Variants in ABI3BP observed in about 807,000 individuals in gnomAD.
ABI3BP encodes ABI family member 3 binding protein.
In ABI3BP, 216 loss-of-function variants were observed where a neutral mutation model predicts 268.6. The observed-to-expected ratio is 0.80, with a 90% CI of 0.72 to 0.90. The LOEUF is 0.90. Among genes scored for constraint, ABI3BP ranks in the 40% least tolerant of loss-of-function variants. ABI3BP has a pLI of 0.00. For synonymous variants in ABI3BP, 730 were observed against 730.0 expected (o/e 1.00, Z 0.00); for missense variants, 2,090 against 2,182.4 (o/e 0.96, Z 0.84).
intron 32 of ABI3BP, among the ~76,000 whole-genome samples, chr3:100,830,146 T>TATA (rs2098465166): frequency 3.4e-5 from 2 of 59,218 alleles, no homozygotes; most frequent in African/African-American, 4.9e-5. Context: ...TATATATATA[T>TATA]ATATATATAT....
chr3:100,885,485 A>G, intron 6 of ABI3BP, 51 bp downstream of exon 6: 1 of 1,074,518 alleles, frequency 9.3e-7, no homozygotes, highest in South Asian at 1.8e-5. Flanking sequence ...TTTCCTTAAC[A>G]ATGCAGATAC....
chr3:100,782,847 A>C (rs1159296565), intron 57 of ABI3BP, among the ~76,000 whole-genome samples: 1 of 152,180 alleles, frequency 6.6e-6, no homozygotes, highest in Admixed American at 6.5e-5. Context: ...CCAATTAGAC[A>C]GTCTGGCCCA....
chr3:100,918,453 G>A (rs2059339000), intron 2 of ABI3BP, among the ~76,000 whole-genome samples: 1 of 151,972 alleles, frequency 6.6e-6, no homozygotes, highest in Admixed American at 6.6e-5. Context: ...TTTTCTCCTT[G>A]GGTGAAGTGT....
Position 100,864,095 on chromosome 3 carries a change from C to G in ABI3BP, c.1064-19G>C. ...CTGAGAACTACAATAAAAAAGAGTGCAGTTAGCAACTCCTGGACTTGGGTT... is the reference window on the plus strand; with the variant it reads ...CTGAGAACTACAATAAAAAAGAGTGGAGTTAGCAACTCCTGGACTTGGGTT... On this transcript the variant is annotated intron_variant, in intron 11 of 67. Transcript: ENST00000471714. 1 of 1,500,366 alleles carries G rather than the reference C, an allele frequency of 6.7e-7. No homozygotes were observed. The highest frequency in any genetic ancestry group is 9.0e-7 in the Non-Finnish European group (1 of 1,114,236). The allele number at this position is 1,500,366 out of a possible 1,614,324, so 92.9% of individuals were successfully genotyped here. A position where few individuals can be genotyped will look rare whatever the true frequency, so the allele number is the denominator to read the frequency against.
intron 8 of ABI3BP, among the ~76,000 whole-genome samples, chr3:100,875,297 G>A (rs946095827): frequency 6.6e-6 from 1 of 152,174 alleles, no homozygotes; most frequent in Non-Finnish European, 1.5e-5. Flanking sequence ...CTGCACATGT[G>A]CTAGAGCTAT....
chr3:100,956,266 G>C (rs1022448683), intron 1 of ABI3BP, among the ~76,000 whole-genome samples: 76 of 143,938 alleles, frequency 5.3e-4, no homozygotes, highest in Non-Finnish European at 8.9e-4. Context: ...CACACATATG[G>C]CATGTCAAAT....
intron 2 of ABI3BP, among the ~76,000 whole-genome samples, chr3:100,916,717 C>T (rs1040061341): frequency 6.6e-6 from 1 of 152,190 alleles, no homozygotes; most frequent in East Asian, 1.9e-4. Flanking sequence ...ATGTGCCCAG[C>T]CTGGAGAATG....
intron 1 of ABI3BP, among the ~76,000 whole-genome samples, chr3:100,991,816 C>G (rs1278083713): frequency 6.6e-6 from 1 of 151,646 alleles, no homozygotes; most frequent in African/African-American, 2.4e-5. Flanking sequence ...AAAATTGTGT[C>G]AAGAGATTTG....
intron 47 of ABI3BP, among the ~76,000 whole-genome samples, 172 bp from the exon 48 acceptor site, chr3:100,811,449 T>C (rs2097859406): frequency 6.6e-6 from 1 of 152,166 alleles, no homozygotes; most frequent in South Asian, 2.1e-4. Flanking sequence ...ATACTAATCC[T>C]CCAATTAATA....
intron 55 of ABI3BP, among the ~76,000 whole-genome samples, chr3:100,790,705 T>G (rs1332564072): frequency 4.6e-5 from 7 of 151,994 alleles, no homozygotes; most frequent in Non-Finnish European, 7.4e-5. Flanking sequence ...TGATGATTAT[T>G]TGCAATTTTT....
At chr3:100,812,632 C>T (rs1254637038) in intron 45 of ABI3BP, 109 bp from the exon 46 acceptor site, 1 of 574,264 alleles carries the variant, frequency 1.7e-6, no homozygotes, top group Non-Finnish European at 2.6e-6. Flanking sequence ...AGGGTAACAA[C>T]ATTATTAACA....
chr3:100,813,561 T>C (rs1210613947), intron 45 of ABI3BP, 100 bp downstream of exon 45: 1 of 920,020 alleles, frequency 1.1e-6, no homozygotes, highest in African/African-American at 1.7e-5. Context: ...TTAATGTATA[T>C]TCCTTTTTCA....
At chr3:100,843,290 C>T (rs2098727939) in intron 20 of ABI3BP, among the ~76,000 whole-genome samples, 2 of 152,010 alleles carry the variant, frequency 1.3e-5, no homozygotes, top group Non-Finnish European at 2.9e-5. Flanking sequence ...TTTTAAAAGC[C>T]CCGAATTCTG....
chr3:100,907,494 G>C (rs1048073442), intron 2 of ABI3BP, among the ~76,000 whole-genome samples: 4 of 151,902 alleles, frequency 2.6e-5, no homozygotes, highest in Admixed American at 6.6e-5. Context: ...CTTGTTTTGG[G>C]GGGGGAATAA....
chr3:100,974,478 G>T (rs1383189347), intron 1 of ABI3BP, among the ~76,000 whole-genome samples: 1 of 152,108 alleles, frequency 6.6e-6, no homozygotes, highest in Non-Finnish European at 1.5e-5. Flanking sequence ...AAAGAACTGT[G>T]CTAAGTGGAA....
At chr3:100,881,195 C>T (rs1561216317) in intron 6 of ABI3BP, among the ~76,000 whole-genome samples, 1 of 152,168 alleles carries the variant, frequency 6.6e-6, no homozygotes, top group African/African-American at 2.4e-5. Context: ...TTTCAAGTGT[C>T]TGCTTGAGAC....
At chr3:100,975,654 A>C (rs1370138738) in intron 1 of ABI3BP, among the ~76,000 whole-genome samples, 1 of 152,098 alleles carries the variant, frequency 6.6e-6, no homozygotes, top group East Asian at 1.9e-4. Flanking sequence ...GAGGGGTAGA[A>C]AATAACATGT....
chr3:100,898,625 G>A lies in ABI3BP; in HGVS notation c.461+137C>T, dbSNP rs1045326596. Reference sequence around the variant, plus strand: ...AGGTAGATAACCTTCTCAAGGGCAGGGCCCCTGACTTTGTTCCCCTCACAC... The same window carrying A: ...AGGTAGATAACCTTCTCAAGGGCAGAGCCCCTGACTTTGTTCCCCTCACAC... On this transcript the variant is annotated intron_variant, in intron 4 of 67. Coordinates refer to ENST00000471714, the MANE Select transcript of ABI3BP (RefSeq NM_001375547.2). 4.2e-6 allele frequency: 4 copies of A among 948,980 alleles called. No individual in the cohort carries two copies. The South Asian group carries it at 6.6e-5, about 16-fold the overall frequency. The allele number at this position is 948,980 out of a possible 1,614,324, so 58.8% of individuals were successfully genotyped here.
At chr3:100,910,379 G>A (rs1285553166) in intron 2 of ABI3BP, among the ~76,000 whole-genome samples, 1 of 151,276 alleles carries the variant, frequency 6.6e-6, no homozygotes, top group Non-Finnish European at 1.5e-5. Context: ...TGCATATTCT[G>A]CACATGTACC....
Sources: allele counts gnomAD v4.1 joint callset (sites outside exome capture counted in the v4.1 genomes callset), GRCh38; gene constraint gnomAD v4.1.1; transcripts MANE v1.5; gene names NCBI Gene and HGNC (gene_info 2026-07-23, HGNC 2026-07-21).